Variants in RBFOX1 observed in about 807,000 individuals in gnomAD.
The protein encoded by RBFOX1 is RNA binding fox-1 homolog 1.
Under a neutral mutation model 57.7 loss-of-function variants are expected in RBFOX1, and 8 were observed. The observed-to-expected ratio is 0.14, with a 90% CI of 0.08 to 0.25. The LOEUF is 0.25. RBFOX1 is among the 10% of genes least tolerant of loss of function. The probability of loss-of-function intolerance (pLI) is 1.00; values close to 1 mark genes in which losing one functional copy is unlikely to be tolerated. For missense variants in RBFOX1, 611 were observed against 548.5 expected (o/e 1.11, Z -1.14); for synonymous variants, 326 against 222.4 (o/e 1.47, Z -4.15).
intron 3 of RBFOX1, among the ~76,000 whole-genome samples, chr16:6,708,287 A>AACACACACACAC (rs138742593): frequency 2.8e-5 from 4 of 143,014 alleles, no homozygotes; most frequent in African/African-American, 9.9e-5. Context: ...AGCATTTTTG[A>AACACACACACAC]ACACACACAC....
chr16:5,948,477 A>G (rs55801893), intron 4 of RBFOX1, among the ~76,000 whole-genome samples: 1 of 152,088 alleles, frequency 6.6e-6, no homozygotes, highest in Admixed American at 6.6e-5. Context: ...ATTTGGAAAT[A>G]AGGCCTTTGA....
intron 2 of RBFOX1, among the ~76,000 whole-genome samples, chr16:5,592,879 C>T (rs1413199614): frequency 6.6e-6 from 1 of 152,074 alleles, no homozygotes; most frequent in African/African-American, 2.4e-5. Flanking sequence ...TGGGCCCTGG[C>T]AGCCTGGTAG....
At chr16:7,211,762 G>A (rs1175576722) in intron 4 of RBFOX1, among the ~76,000 whole-genome samples, 1 of 152,144 alleles carries the variant, frequency 6.6e-6, no homozygotes, top group Admixed American at 6.5e-5. Context: ...GGAGGACTCG[G>A]GGGGATTCAA....
chr16:6,390,462 G>A lies in RBFOX1; in HGVS notation c.-64+73405G>A, dbSNP rs58840226. Among the ~76,000 whole-genome samples, 36 of 151,828 alleles carry A rather than the reference G, an allele frequency of 2.4e-4. No homozygotes were observed. In the South Asian group the frequency reaches 4.2e-3, roughly 18 times the overall value. On this transcript the variant is annotated intron_variant, in intron 2 of 15. Coordinates refer to ENST00000550418, the MANE Select transcript of RBFOX1 (RefSeq NM_018723.4). ...ATGTTTTGGATGACTTCAGTGTGCCGGGCACTGTGTTTGTTTCTGGGAATA... is the reference window on the plus strand; with the variant it reads ...ATGTTTTGGATGACTTCAGTGTGCCAGGCACTGTGTTTGTTTCTGGGAATA...
chr16:6,263,062 T>C (rs2097710718), intron 1 of RBFOX1, among the ~76,000 whole-genome samples: 2 of 152,152 alleles, frequency 1.3e-5, no homozygotes, highest in South Asian at 2.1e-4. Flanking sequence ...AGAGCTGTAA[T>C]GTGCCCAAGA....
chr16:6,445,385 A>G (rs903860291), intron 2 of RBFOX1, among the ~76,000 whole-genome samples: 5 of 152,044 alleles, frequency 3.3e-5, no homozygotes, highest in African/African-American at 1.2e-4. Flanking sequence ...TATTGCCTTT[A>G]TGCATCTAAA....
chr16:7,264,220 A>C (rs1437860786), intron 4 of RBFOX1, among the ~76,000 whole-genome samples: 1 of 152,222 alleles, frequency 6.6e-6, no homozygotes, highest in Non-Finnish European at 1.5e-5. Context: ...TCAAAAAGAC[A>C]AGGTAAATAT....
chr16:5,627,133 A>T (rs1320907449), intron 3 of RBFOX1, among the ~76,000 whole-genome samples: 1 of 152,226 alleles, frequency 6.6e-6, no homozygotes, highest in Non-Finnish European at 1.5e-5. Flanking sequence ...TTAAATTAAG[A>T]TGCTGAAAAA....
chr16:7,216,981 G>C lies in RBFOX1; in HGVS notation c.27+164883G>C, dbSNP rs1163995270. Among the ~76,000 whole-genome samples the C allele has an allele frequency of 2.3e-5, 3 of 128,268 alleles. No homozygotes were observed. The Admixed American group carries it at 2.5e-4, about 11-fold the overall frequency. The allele number at this position is 128,268 out of a possible 152,430, so 84.1% of individuals were successfully genotyped here. A position where few individuals can be genotyped will look rare whatever the true frequency, so the allele number is the denominator to read the frequency against. Reference sequence around the variant, plus strand: ...ACATTGGTAAGGAAAAGTACAGCAGGATTTTCCTTCCTTCCTCCCTCCCTC... The same window carrying C: ...ACATTGGTAAGGAAAAGTACAGCAGCATTTTCCTTCCTTCCTCCCTCCCTC... On this transcript the variant is annotated intron_variant, in intron 4 of 15. Transcript: ENST00000550418.
chr16:7,483,601 T>C (rs2064585375), intron 4 of RBFOX1, among the ~76,000 whole-genome samples: 1 of 152,280 alleles, frequency 6.6e-6, no homozygotes, highest in South Asian at 2.1e-4. Flanking sequence ...AGGATACAGA[T>C]AGGACAGTGT....
chr16:7,475,137 G>C (rs999590494), intron 4 of RBFOX1, among the ~76,000 whole-genome samples: 1 of 152,038 alleles, frequency 6.6e-6, no homozygotes, highest in Non-Finnish European at 1.5e-5. Context: ...TTCTGTAGAG[G>C]TTGTCTTTCA....
chr16:7,572,874 G>T (rs1216392586), intron 5 of RBFOX1, among the ~76,000 whole-genome samples: 1 of 84,970 alleles, frequency 1.2e-5, no homozygotes, highest in African/African-American at 3.6e-5. Flanking sequence ...AAATGAACCA[G>T]CCCCAAATGT....
intron 2 of RBFOX1, among the ~76,000 whole-genome samples, chr16:6,359,865 T>A (rs559480038): frequency 3.9e-5 from 6 of 152,210 alleles, no homozygotes; most frequent in Non-Finnish European, 7.3e-5. Context: ...ATAGTATTTA[T>A]AGAAATTATA....
At chr16:7,183,470 C>T (rs1567606413) in intron 4 of RBFOX1, among the ~76,000 whole-genome samples, 1 of 152,274 alleles carries the variant, frequency 6.6e-6, no homozygotes, top group East Asian at 1.9e-4. Context: ...ATAGTGAAAC[C>T]TTCGTTGGGT....
At position 7,673,845 on chromosome 16, in the gene RBFOX1, G is replaced by T. The variant is rs185971064; in HGVS notation, c.931-2929G>T. Among the ~76,000 whole-genome samples, 267 of 152,320 alleles carry T rather than the reference G, an allele frequency of 1.8e-3. 6 individuals are homozygous for T. Among genetic ancestry groups the T allele is most frequent in the Middle Eastern group, 3.4e-3 (1 of 294 alleles). ...CATGCCTCGTTCCTTTGGTTTGGTG[G>T]TGGGAAAAATTTAATTGTCAATGAC... On this transcript the variant is annotated intron_variant, in intron 13 of 15. Transcript: ENST00000550418.
intron 3 of RBFOX1, among the ~76,000 whole-genome samples, chr16:6,991,173 C>T (rs111518173): frequency 0.017 from 2,415 of 138,574 alleles, 119 homozygotes; most frequent in African/African-American, 0.063. Flanking sequence ...GACACGGTGG[C>T]GTGTACCTTT....
intron 3 of RBFOX1, among the ~76,000 whole-genome samples, chr16:6,829,469 C>A (rs531878159): frequency 2.2e-5 from 3 of 137,146 alleles, no homozygotes; most frequent in African/African-American, 8.8e-5. Context: ...CAATGAAATA[C>A]CACTCAACCA....
At chr16:6,854,489 T>C (rs960127929) in intron 3 of RBFOX1, among the ~76,000 whole-genome samples, 3 of 151,964 alleles carry the variant, frequency 2.0e-5, no homozygotes, top group African/African-American at 7.2e-5. Flanking sequence ...ATAGGAAGTT[T>C]AGCGAAGTTG....
At chr16:6,011,334 A>C (rs964811992) in intron 4 of RBFOX1, among the ~76,000 whole-genome samples, 2 of 152,136 alleles carry the variant, frequency 1.3e-5, no homozygotes, top group Non-Finnish European at 2.9e-5. Context: ...TTGTTTTTAC[A>C]AAATGATTTC....
Sources: gnomAD v4.1 joint callset for allele counts (sites outside exome capture counted in the v4.1 genomes callset) on GRCh38, gnomAD v4.1.1 for gene constraint, MANE v1.5 for transcripts, NCBI Gene and HGNC (gene_info 2026-07-23, HGNC 2026-07-21) for gene names.